PLEKHG5: variants seen among roughly 807,000 people sequenced by gnomAD.
PLEKHG5 encodes pleckstrin homology domain-containing family G member 5.
In PLEKHG5, 52 loss-of-function variants were observed where a neutral mutation model predicts 103.8. The observed-to-expected ratio is 0.50, with a 90% CI of 0.40 to 0.63. The LOEUF is 0.63. Ranked by LOEUF, PLEKHG5 falls within the 30% of genes least tolerant of loss-of-function variation. The probability of loss-of-function intolerance (pLI) is 0.00; values close to 1 mark genes in which losing one functional copy is unlikely to be tolerated. For missense variants in PLEKHG5, 1,205 were observed against 1,347.6 expected, an observed-to-expected ratio of 0.89 and a Z score of 1.66; for synonymous variants, 592 against 575.5, an observed-to-expected ratio of 1.03 and a Z score of -0.41.
At chr1:6,504,158 A>G (rs1336589437) in intron 1 of PLEKHG5, among the ~76,000 whole-genome samples, 1 of 152,170 alleles carries the variant, frequency 6.6e-6, no homozygotes, top group Non-Finnish European at 1.5e-5. Context: ...TCAGGTAGGC[A>G]GGAAGCTGCC....
intron 2 of PLEKHG5, 128 bp downstream of exon 2, chr1:6,477,401 G>GTT: frequency 1.0e-6 from 1 of 992,728 alleles, no homozygotes; most frequent in Non-Finnish European, 1.6e-6. Context: ...AAAAGGAACC[G>GTT]TAACATACTC....
At chr1:6,498,562 G>A (rs900399823), upstream of PLEKHG5, among the ~76,000 whole-genome samples, 2 of 152,248 alleles carry the variant, frequency 1.3e-5, no homozygotes, top group Non-Finnish European at 2.9e-5. Flanking sequence ...GACAAGACTT[G>A]GGGAGCTCAC....
At chr1:6,485,925 C>T (rs949825623) in intron 1 of PLEKHG5, 8 of 985,890 alleles carry the variant, frequency 8.1e-6, no homozygotes, top group Non-Finnish European at 9.6e-6. Context: ...TCAGAACTTG[C>T]TCTTTCTCCT....
In PLEKHG5 at chr1:6,474,562, T is replaced by C; in HGVS notation, c.328A>G (p.Arg110Gly). The C allele has an allele frequency of 6.2e-7, 1 of 1,613,762 alleles. No individual in the cohort carries two copies. The highest frequency in any genetic ancestry group is 2.2e-5 in the East Asian group (1 of 44,888). ...ACTTTGCCCAGCGCAATGCCCTTCCTTTCAAATACAGGCAGCAGCACCTCC... is the reference window on the plus strand; with the variant it reads ...ACTTTGCCCAGCGCAATGCCCTTCCCTTCAAATACAGGCAGCAGCACCTCC... ...LGEVLLPVFE[R>G]KGIALGKVDI... The change falls in exon 6 of 21, where the codon AGG becomes GGG. Residue 110 changes from arginine to glycine, a missense_variant. By Grantham distance (125) the Arg-to-Gly change is moderately radical. Transcript: ENST00000377728.
intron 1 of PLEKHG5, among the ~76,000 whole-genome samples, chr1:6,479,896 C>G (rs2148603131): frequency 6.6e-6 from 1 of 152,282 alleles, no homozygotes; most frequent in Non-Finnish European, 1.5e-5. Flanking sequence ...TAGGCATGAG[C>G]CACTGTGCCT....
At chr1:6,516,866 G>GTGTGTATATA (rs1288870331) in intron 1 of PLEKHG5, among the ~76,000 whole-genome samples, 67 of 25,864 alleles carry the variant, frequency 2.6e-3, no homozygotes, top group East Asian at 0.017. Context: ...GTATATATGT[G>GTGTGTATATA]TATATATATA....
intron 1 of PLEKHG5, among the ~76,000 whole-genome samples, chr1:6,488,971 G>A (rs1230228728): frequency 1.3e-5 from 2 of 152,124 alleles, no homozygotes; most frequent in African/African-American, 4.8e-5. Flanking sequence ...GGATCCCCCA[G>A]GCATCCCTGC....
In PLEKHG5 at chr1:6,487,586, C is replaced by T. The variant is rs535739484; in HGVS notation, c.-88+4051G>A. Among the ~76,000 whole-genome samples, 11 of 152,292 alleles carry T rather than the reference C, an allele frequency of 7.2e-5. No individual in the cohort carries two copies. Among genetic ancestry groups the T allele is most frequent in the African/African-American group, 2.6e-4 (11 of 41,560 alleles). On this transcript the variant is annotated intron_variant, in intron 1 of 20. Coordinates refer to ENST00000377728, the MANE Select transcript of PLEKHG5 (RefSeq NM_020631.6). The surrounding 1 kb of genome is among the most constrained non-coding windows in gnomAD (Gnocchi z 4.1). ...GGGCCTTCTCCTCTGTATTTTCTGTCTGGAATTCCACGCACCCTATCTTGA... is the reference window on the plus strand; with the variant it reads ...GGGCCTTCTCCTCTGTATTTTCTGTTTGGAATTCCACGCACCCTATCTTGA...
Position 6,474,178 on chromosome 1 carries a change from C to T in PLEKHG5, c.440-14G>A. On this transcript the variant is annotated splice_polypyrimidine_tract_variant and intron_variant, in intron 6 of 20. Coordinates refer to ENST00000377728, the MANE Select transcript of PLEKHG5 (RefSeq NM_020631.6). ...GCTTGGCTGGGGCTGCATGTGGGGG[C>T]CACGAGAGATCCTCAGTACCCTGGT... 1 of 1,612,992 alleles carries T rather than the reference C, an allele frequency of 6.2e-7. No individual in the cohort carries two copies. The highest frequency in any genetic ancestry group is 1.1e-5 in the South Asian group (1 of 91,000).
rs577756377 is a variant in PLEKHG5 at position 6,473,383 on chromosome 1, G to C, written c.663C>G (p.Pro221=). The C allele has an allele frequency of 1.0e-5, 16 of 1,547,246 alleles. No homozygotes were observed. Among genetic ancestry groups the C allele is most frequent in the Admixed American group, 2.0e-5 (1 of 50,940 alleles). ...TGGGCAGAGAGCAGCTGGAGGGCGT[G>C]GGGGGCTCCTGCCCGGGGATGCTCG... is the stretch of plus-strand genomic sequence containing the variant. The part of the protein sequence containing the change: ...GEASIPGQEP[P]TPSSCSLPSG... Residue 221 remains proline (P), a synonymous_variant, in exon 8 of 21, where the codon CCC becomes CCG. Coordinates refer to ENST00000377728, the MANE Select transcript of PLEKHG5 (RefSeq NM_020631.6).
At chr1:6,479,529 G>A (rs1457525778) in intron 1 of PLEKHG5, among the ~76,000 whole-genome samples, 1 of 151,852 alleles carries the variant, frequency 6.6e-6, no homozygotes, top group Non-Finnish European at 1.5e-5. Context: ...CTCGTGATCC[G>A]CCCACCTCGG....
Position 6,472,561 on chromosome 1 carries a change from G to A in PLEKHG5, c.1046C>T (p.Ala349Val). The A allele has an allele frequency of 6.2e-7, 1 of 1,613,672 alleles. No individual in the cohort carries two copies. Among genetic ancestry groups the A allele is most frequent in the Non-Finnish European group, 8.5e-7 (1 of 1,179,828 alleles). Residue 349 changes from alanine to valine, a missense_variant, in exon 10 of 21, where the codon GCC becomes GTC. Coordinates refer to ENST00000377728, the MANE Select transcript of PLEKHG5 (RefSeq NM_020631.6). ...EAVWELLHTE[A>V]SYIRKLRVII... ...CACCCGCAGTTTCCTGATGTAGGAGGCCTCCGTGTGCAGCAGCTCCCACAC... is the reference window on the plus strand; with the variant it reads ...CACCCGCAGTTTCCTGATGTAGGAGACCTCCGTGTGCAGCAGCTCCCACAC...
At position 6,485,615 on chromosome 1, in the gene PLEKHG5, G is replaced by T. The variant is rs1645014998; in HGVS notation, c.-88+6022C>A. 5 of 597,246 alleles carry T rather than the reference G, an allele frequency of 8.4e-6. No homozygotes were observed. The East Asian group carries it at 2.0e-4, about 23-fold the overall frequency. The allele number at this position is 597,246 out of a possible 1,614,324, so 37.0% of individuals were successfully genotyped here. Reference sequence around the variant, plus strand: ...AGGCGGACACCTCCCTCCCGCCCGGGCCCTCGCCACCCAGCCCCGGGGATC... The same window carrying T: ...AGGCGGACACCTCCCTCCCGCCCGGTCCCTCGCCACCCAGCCCCGGGGATC... On this transcript the variant is annotated intron_variant, in intron 1 of 20. Coordinates refer to ENST00000377728, the MANE Select transcript of PLEKHG5 (RefSeq NM_020631.6).
At chr1:6,516,153 G>A (rs1232817296) in intron 1 of PLEKHG5, among the ~76,000 whole-genome samples, 1 of 152,156 alleles carries the variant, frequency 6.6e-6, no homozygotes, top group Non-Finnish European at 1.5e-5. Context: ...AACTGGGCTG[G>A]GCTTCGTGGC....
chr1:6,519,535 C>T (rs1557776259), exon 1 of PLEKHG5: 2 of 1,602,876 alleles, frequency 1.2e-6, no homozygotes, highest in East Asian at 4.5e-5. Flanking sequence ...GGTGGTGGCA[C>T]CCTGCCTGGA....
chr1:6,469,702 C>T, intron 16 of PLEKHG5, 26 bp from the exon 17 acceptor site: 1 of 1,609,488 alleles, frequency 6.2e-7, no homozygotes, highest in Non-Finnish European at 8.5e-7. Flanking sequence ...GGGGGGTGGC[C>T]AGAGAGGCCA....
Position 6,467,366 on chromosome 1 carries a change from T to G in PLEKHG5, c.*197A>C, listed in dbSNP as rs1569822289. On this transcript the variant is annotated 3_prime_UTR_variant, in exon 21 of 21. Transcript: ENST00000377728. ...CGAGGGGCTGCCTGGGCAGGTGGGG[T>G]GGTACTGTGGCCTGGGCCTCCTCCA... is the stretch of plus-strand genomic sequence containing the variant. The G allele has an allele frequency of 1.4e-6, 1 of 714,418 alleles. No homozygotes were observed. The highest frequency in any genetic ancestry group is 2.5e-6 in the Non-Finnish European group (1 of 392,242). The allele number at this position is 714,418 out of a possible 1,614,324, so 44.3% of individuals were successfully genotyped here.
chr1:6,470,746 C>T lies in PLEKHG5; in HGVS notation c.1531G>A (p.Val511Ile), dbSNP rs1470385932. ...GCCATCAGGGTTACCATGGCGACGA[C>T]GGCCTCCTTGGCGCGCGGCTCCTCG... ...KTEEPRAKEA[V>I]VAMIGSVERF... The change falls in exon 14 of 21, where the codon GTC becomes ATC. Residue 511 changes from valine to isoleucine, a missense_variant. Transcript: ENST00000377728. 9 of 1,560,244 alleles carry T rather than the reference C, an allele frequency of 5.8e-6. No individual in the cohort carries two copies. The highest frequency in any genetic ancestry group is 1.2e-5 in the South Asian group (1 of 85,244).
chr1:6,503,424 T>TC (rs1295862837), intron 1 of PLEKHG5, among the ~76,000 whole-genome samples: 7 of 150,314 alleles, frequency 4.7e-5, no homozygotes, highest in African/African-American at 1.7e-4. Flanking sequence ...TTTTTTTTTT[T>TC]TCAGATGGAG....
Sources: allele counts gnomAD v4.1 joint callset (sites outside exome capture counted in the v4.1 genomes callset), GRCh38; gene constraint gnomAD v4.1.1; non-coding constraint Gnocchi (gnomAD v3.1); transcripts MANE v1.5; gene names NCBI Gene and HGNC (gene_info 2026-07-23, HGNC 2026-07-21).